Variants in ATG7 observed in about 807,000 individuals in gnomAD.
ATG7 encodes autophagy related 7.
A neutral mutation model predicts 82.4 loss-of-function variants in ATG7; 70 were observed. The ratio of observed to expected loss-of-function variants is 0.85; its 90% CI spans 0.70 to 1.04. The LOEUF (loss-of-function observed/expected upper bound fraction) is 1.04. ATG7 is among the 50% of genes least tolerant of loss of function. The probability of loss-of-function intolerance (pLI) is 0.00; values close to 1 mark genes in which losing one functional copy is unlikely to be tolerated. For missense variants in ATG7, 792 were observed against 864.3 expected (o/e 0.92, Z 1.05); for synonymous variants, 287 against 313.0 (o/e 0.92, Z 0.88).
intron 20 of ATG7, among the ~76,000 whole-genome samples, chr3:11,428,961 A>C (rs936941151): frequency 6.6e-6 from 1 of 152,212 alleles, no homozygotes; most frequent in Non-Finnish European, 1.5e-5. Flanking sequence ...GAAAGTTTAA[A>C]AGCAATAGTG....
intron 20 of ATG7, chr3:11,477,297 T>C (rs2088368866): frequency 8.3e-7 from 1 of 1,199,190 alleles, no homozygotes; most frequent in Non-Finnish European, 1.1e-6. Context: ...TAAAATAAAA[T>C]GTAAATAAGA....
chr3:11,486,573 T>C (rs1022153539), intron 20 of ATG7, among the ~76,000 whole-genome samples: 9 of 151,170 alleles, frequency 6.0e-5, no homozygotes, highest in African/African-American at 2.2e-4. Flanking sequence ...TCCAACACTA[T>C]GTTGAATAGG....
At chr3:11,444,357 A>G (rs560108250) in intron 20 of ATG7, among the ~76,000 whole-genome samples, 6 of 152,164 alleles carry the variant, frequency 3.9e-5, no homozygotes, top group Non-Finnish European at 7.3e-5. Flanking sequence ...TTTAATGCCA[A>G]CAGTTTAGAA....
intron 19 of ATG7, among the ~76,000 whole-genome samples, chr3:11,396,502 A>G (rs2079289486): frequency 6.6e-6 from 1 of 152,172 alleles, no homozygotes; most frequent in Non-Finnish European, 1.5e-5. Context: ...AGAAAATACA[A>G]TATTGAGTGG....
chr3:11,390,233 G>C (rs2078684173), intron 19 of ATG7, among the ~76,000 whole-genome samples: 1 of 152,208 alleles, frequency 6.6e-6, no homozygotes, highest in Non-Finnish European at 1.5e-5. Flanking sequence ...TGACTTGACT[G>C]ATAAGGAAGA....
At chr3:11,568,348 G>A in the ATG7 span, among the ~76,000 whole-genome samples, 1 of 152,206 alleles carries the variant, frequency 6.6e-6, no homozygotes, top group African/African-American at 2.4e-5. This position sits in a 1 kb window ranked among gnomAD's most constrained non-coding sequence, Gnocchi z 5.9. Context: ...GGGTGCCAGG[G>A]CCGCCAGCTG....
rs894132180 is a variant in ATG7 at position 11,555,795 on chromosome 3, C to G, written c.*952C>G. Reference sequence around the variant, plus strand: ...TAGGTACCTGTGACCACCCTGCCCCCGTGTAGAGGGCATCGTCTTTCCTGC... The same window carrying G: ...TAGGTACCTGTGACCACCCTGCCCCGGTGTAGAGGGCATCGTCTTTCCTGC... On this transcript the variant is annotated 3_prime_UTR_variant, in exon 21 of 21. Coordinates refer to ENST00000693202, the MANE Select transcript of ATG7 (RefSeq NM_001349232.2). The G allele has an allele frequency of 6.6e-6, 1 of 152,308 alleles. No homozygotes were observed. Among genetic ancestry groups the G allele is most frequent in the Non-Finnish European group, 1.5e-5 (1 of 68,090 alleles). The allele number at this position is 152,308 out of a possible 1,614,324, so 9.4% of individuals were successfully genotyped here. A position where few individuals can be genotyped will look rare whatever the true frequency, so the allele number is the denominator to read the frequency against.
chr3:11,358,517 G>T lies in ATG7; in HGVS notation c.1384G>T (p.Glu462Ter). 6.2e-7 allele frequency: 1 copy of T among 1,614,108 alleles called. No homozygotes were observed. Residue 462 changes from glutamate (E) to a stop codon, truncating the protein, a stop_gained, in exon 15 of 21, where the codon GAG becomes TAG. Transcript: ENST00000693202. LOFTEE classifies it high-confidence loss of function. Reference sequence around the variant, plus strand: ...AGCCCGCAGAGATGTGGAGCAACTGGAGCAGCTCATCGAAAGCCATGATGT... The same window carrying T: ...AGCCCGCAGAGATGTGGAGCAACTGTAGCAGCTCATCGAAAGCCATGATGT... ...EQARRDVEQL[E>*]QLIESHDVVF...
chr3:11,390,480 A>G (rs922021322), intron 19 of ATG7, among the ~76,000 whole-genome samples: 1 of 152,190 alleles, frequency 6.6e-6, no homozygotes, highest in Admixed American at 6.5e-5. Context: ...ATGTCATCCT[A>G]TCCCACTCAG....
intron 20 of ATG7, among the ~76,000 whole-genome samples, chr3:11,511,479 C>G (rs2092052196): frequency 6.6e-6 from 1 of 152,226 alleles, no homozygotes; most frequent in African/African-American, 2.4e-5. Context: ...AATCCCTGAG[C>G]TAGATATAAA....
chr3:11,298,691 A>C lies in ATG7; in HGVS notation c.-5A>C, dbSNP rs749894071. 1.2e-6 allele frequency: 2 copies of C among 1,612,620 alleles called. No individual in the cohort carries two copies. Among genetic ancestry groups the C allele is most frequent in the Non-Finnish European group, 1.7e-6 (2 of 1,179,398 alleles). On this transcript the variant is annotated 5_prime_UTR_variant, in exon 4 of 21. Transcript: ENST00000693202. Reference sequence around the variant, plus strand: ...TCTGTTTTGTTTTTTAATAGGCAAGAAATAATGGCGGCAGCTACGGGGGAT... The same window carrying C: ...TCTGTTTTGTTTTTTAATAGGCAAGCAATAATGGCGGCAGCTACGGGGGAT...
At chr3:11,551,332 C>T (rs914949061) in intron 20 of ATG7, among the ~76,000 whole-genome samples, 6 of 152,192 alleles carry the variant, frequency 3.9e-5, no homozygotes, top group East Asian at 3.9e-4. Flanking sequence ...CCAGCTCGCC[C>T]GGCTCCAGAA....
At chr3:11,331,525 G>A in intron 10 of ATG7, 97 bp downstream of exon 10, 1 of 1,085,592 alleles carries the variant, frequency 9.2e-7, no homozygotes, top group East Asian at 2.4e-5. Flanking sequence ...TTTCCTAAAT[G>A]CATTATTTTT....
At chr3:11,558,694 C>T, downstream of ATG7, 1 of 1,614,016 alleles carries the variant, frequency 6.2e-7, no homozygotes, top group East Asian at 2.2e-5. Flanking sequence ...ACGTGTCACC[C>T]AGAGCTTTGG....
At chr3:11,512,038 G>C (rs1019398325) in intron 20 of ATG7, among the ~76,000 whole-genome samples, 1 of 152,212 alleles carries the variant, frequency 6.6e-6, no homozygotes, top group African/African-American at 2.4e-5. Flanking sequence ...CCAGAAAGGG[G>C]CTCCCACAGT....
chr3:11,296,641 C>A (rs1235193180), intron 3 of ATG7, among the ~76,000 whole-genome samples: 1 of 152,240 alleles, frequency 6.6e-6, no homozygotes, highest in African/African-American at 2.4e-5. Context: ...TAGGTGTTCA[C>A]CCATGTCACC....
At position 11,508,825 on chromosome 3, in the gene ATG7, T is replaced by G. The variant is rs537066224; in HGVS notation, c.2080-45986T>G. On this transcript the variant is annotated intron_variant, in intron 20 of 20. Transcript: ENST00000693202. ...GCTGACAGAGCCAACACTTCACAAG[T>G]GTTGGCTTCTGAAGTGTGTTTGTCT... 2.6e-5 allele frequency among the ~76,000 whole-genome samples: 4 copies of G among 152,336 alleles called. No homozygotes were observed. The East Asian group carries it at 7.7e-4, about 29-fold the overall frequency.
chr3:11,370,291 A>G (rs986627371), intron 18 of ATG7, among the ~76,000 whole-genome samples: 2 of 151,122 alleles, frequency 1.3e-5, no homozygotes, highest in African/African-American at 4.9e-5. Context: ...TTCTAAGGAT[A>G]ACACTGGCTC....
rs116883154 is a variant in ATG7 at position 11,302,941 on chromosome 3, G to T, written c.215+3525G>T. On this transcript the variant is annotated intron_variant, in intron 5 of 20. Coordinates refer to ENST00000693202, the MANE Select transcript of ATG7 (RefSeq NM_001349232.2). ...ACTGGAATATGCTGTCTTGAGTTAGGGTATCCTGCTGGATCAGACCCAAAA... is the reference window on the plus strand; with the variant it reads ...ACTGGAATATGCTGTCTTGAGTTAGTGTATCCTGCTGGATCAGACCCAAAA... Among the ~76,000 whole-genome samples the T allele has an allele frequency of 1.8e-3, 276 of 152,286 alleles. 6 individuals carry two copies. In the East Asian group the frequency reaches 0.042, roughly 23 times the overall value.
Sources: allele counts gnomAD v4.1 joint callset (sites outside exome capture counted in the v4.1 genomes callset), GRCh38; gene constraint gnomAD v4.1.1; non-coding constraint Gnocchi (gnomAD v3.1); transcripts MANE v1.5; gene names NCBI Gene and HGNC (gene_info 2026-07-23, HGNC 2026-07-21).